The following ROCK2 variants were observed in gnomAD, a reference collection of about 807,000 sequenced individuals.
The protein encoded by ROCK2 is Rho associated coiled-coil containing protein kinase 2.
Under a neutral mutation model 195.1 loss-of-function variants are expected in ROCK2, and 61 were observed. The ratio of observed to expected loss-of-function variants is 0.31; its 90% CI spans 0.25 to 0.39. The LOEUF is 0.39. Among genes scored for constraint, ROCK2 ranks in the 10% least tolerant of loss-of-function variants. The pLI, the probability that ROCK2 is intolerant of heterozygous loss-of-function variation, is 1.00. For missense variants in ROCK2, 1,109 were observed against 1,637.4 expected, an observed-to-expected ratio of 0.68 and a Z score of 5.57; for synonymous variants, 504 against 545.5, an observed-to-expected ratio of 0.92 and a Z score of 1.06.
chr2:11,223,255 A>G (rs1664697602), intron 7 of ROCK2, among the ~76,000 whole-genome samples: 1 of 152,212 alleles, frequency 6.6e-6, no homozygotes, highest in South Asian at 2.1e-4. Flanking sequence ...TGACTGACAA[A>G]TAAAAATAAT....
chr2:11,198,663 T>G lies in ROCK2; in HGVS notation c.3004+18A>C. On this transcript the variant is annotated intron_variant, in intron 24 of 32. Coordinates refer to ENST00000315872, the MANE Select transcript of ROCK2 (RefSeq NM_004850.5). ...ACATTAGGTATATTAAAAATAAACA[T>G]TTTTTGTTAATACATACGCTCTTGA... 1.3e-6 allele frequency: 2 copies of G among 1,581,178 alleles called. No homozygotes were observed. Among genetic ancestry groups the G allele is most frequent in the Non-Finnish European group, 8.6e-7 (1 of 1,157,024 alleles).
intron 4 of ROCK2, among the ~76,000 whole-genome samples, chr2:11,238,871 C>A (rs559148804): frequency 6.6e-6 from 1 of 151,684 alleles, no homozygotes; most frequent in Non-Finnish European, 1.5e-5. Context: ...ATACATAGAT[C>A]GATTGAACAC....
chr2:11,285,644 T>C (rs1357736285), intron 3 of ROCK2, among the ~76,000 whole-genome samples: 1 of 151,992 alleles, frequency 6.6e-6, no homozygotes, highest in African/African-American at 2.4e-5. Flanking sequence ...CTCGGCAACA[T>C]GGTGAAACCC....
At chr2:11,296,486 T>C (rs964907466) in intron 1 of ROCK2, among the ~76,000 whole-genome samples, 10 of 152,190 alleles carry the variant, frequency 6.6e-5, no homozygotes, top group Admixed American at 5.9e-4. Flanking sequence ...AGAACCTAAA[T>C]ATAGAAAATT....
At chr2:11,257,312 G>A (rs554469418) in intron 3 of ROCK2, among the ~76,000 whole-genome samples, 1 of 151,404 alleles carries the variant, frequency 6.6e-6, no homozygotes, top group African/African-American at 2.5e-5. Flanking sequence ...TGCGGGCGAC[G>A]GCAGAGGCGG....
chr2:11,240,614 G>A (rs1291481598), intron 4 of ROCK2, among the ~76,000 whole-genome samples: 1 of 152,242 alleles, frequency 6.6e-6, no homozygotes, highest in Non-Finnish European at 1.5e-5. Context: ...GGCTCAGAGG[G>A]TAATAGGAAA....
At chr2:11,337,223 C>T (rs1668956663) in intron 1 of ROCK2, among the ~76,000 whole-genome samples, 1 of 148,334 alleles carries the variant, frequency 6.7e-6, no homozygotes, top group Non-Finnish European at 1.5e-5. Context: ...CCAGCCTGGG[C>T]AACTCAGCAA....
At chr2:11,277,678 G>A (rs1302223994) in intron 3 of ROCK2, among the ~76,000 whole-genome samples, 1 of 152,144 alleles carries the variant, frequency 6.6e-6, no homozygotes, top group Non-Finnish European at 1.5e-5. Flanking sequence ...TTTTATGGCT[G>A]AGTAGTATTC....
chr2:11,286,644 C>G lies in ROCK2; in HGVS notation c.224-5G>C. On this transcript the variant is annotated splice_polypyrimidine_tract_variant and splice_region_variant and intron_variant, in intron 2 of 32. Transcript: ENST00000315872. ...TTTTTTTCACAATTTTCTCATCTACCATAAAAAGATCACCATACTTATAAT... is the reference window on the plus strand; with the variant it reads ...TTTTTTTCACAATTTTCTCATCTACGATAAAAAGATCACCATACTTATAAT... 1 of 1,455,426 alleles carries G rather than the reference C, an allele frequency of 6.9e-7. No individual in the cohort carries two copies. Among genetic ancestry groups the G allele is most frequent in the Non-Finnish European group, 9.6e-7 (1 of 1,039,840 alleles). 90.2% of individuals were successfully genotyped at this position (1,455,426 alleles called of 1,614,324 possible). A position where few individuals can be genotyped will look rare whatever the true frequency, so the allele number is the denominator to read the frequency against.
At chr2:11,308,116 C>G (rs1219128038) in intron 1 of ROCK2, 11 of 1,610,908 alleles carry the variant, frequency 6.8e-6, no homozygotes, top group South Asian at 3.3e-5. Context: ...CTGGTGGAGG[C>G]GATAGACAAG....
chr2:11,330,747 GGGAGGA>G (rs1255635234), intron 1 of ROCK2, among the ~76,000 whole-genome samples: 1 of 61,744 alleles, frequency 1.6e-5, no homozygotes, highest in Non-Finnish European at 4.1e-5. Context: ...GGAGGGAGGA[GGGAGGA>G]GGAGGAGGGA....
intron 1 of ROCK2, among the ~76,000 whole-genome samples, chr2:11,293,167 G>T (rs1667412285): frequency 6.6e-6 from 1 of 152,186 alleles, no homozygotes; most frequent in Non-Finnish European, 1.5e-5. Flanking sequence ...AGGAAGTCTA[G>T]AAGTTAAGAA....
intron 1 of ROCK2, among the ~76,000 whole-genome samples, chr2:11,294,961 GT>G (rs1222683034): frequency 6.6e-6 from 1 of 151,808 alleles, no homozygotes; most frequent in Non-Finnish European, 1.5e-5. Context: ...CTACTTTTTT[GT>G]ATTTTTAGTA....
At chr2:11,296,004 A>AGAGAGAGGGG (rs1667514504) in intron 1 of ROCK2, among the ~76,000 whole-genome samples, 3 of 32,816 alleles carry the variant, frequency 9.1e-5, no homozygotes, top group Non-Finnish European at 1.1e-4. Context: ...AGAGAGAGAG[A>AGAGAGAGGGG]GGAGAGAGAG....
At chr2:11,223,252 CAAAT>C (rs1291153391) in intron 7 of ROCK2, among the ~76,000 whole-genome samples, 5 of 151,878 alleles carry the variant, frequency 3.3e-5, no homozygotes, top group Non-Finnish European at 5.9e-5. Flanking sequence ...AAATGACTGA[CAAAT>C]AAAAATAATT....
At chr2:11,194,586 CT>C (rs1401847712) in intron 28 of ROCK2, among the ~76,000 whole-genome samples, 1 of 151,802 alleles carries the variant, frequency 6.6e-6, no homozygotes, top group East Asian at 1.9e-4. Context: ...TTGGACTTAG[CT>C]TTGGGATCCA....
At chr2:11,254,725 C>G (rs1351442979) in intron 3 of ROCK2, among the ~76,000 whole-genome samples, 1 of 9,134 alleles carries the variant, frequency 1.1e-4, no homozygotes, top group Admixed American at 2.2e-3. Context: ...GACCCTGTCT[C>G]TTAAAAAAAA....
chr2:11,256,809 A>G (rs1471997621), intron 3 of ROCK2, among the ~76,000 whole-genome samples: 1 of 151,388 alleles, frequency 6.6e-6, no homozygotes, highest in Non-Finnish European at 1.5e-5. Context: ...ATCTTCAATA[A>G]ATGAGCCTGA....
At chr2:11,311,152 T>C (rs1422342708) in intron 1 of ROCK2, among the ~76,000 whole-genome samples, 1 of 152,134 alleles carries the variant, frequency 6.6e-6, no homozygotes, top group East Asian at 1.9e-4. Flanking sequence ...AAACAATTCT[T>C]AGACAATCTG....
Sources: gnomAD v4.1 joint callset for allele counts (sites outside exome capture counted in the v4.1 genomes callset) on GRCh38, gnomAD v4.1.1 for gene constraint, MANE v1.5 for transcripts, NCBI Gene and HGNC (gene_info 2026-07-23, HGNC 2026-07-21) for gene names.